Variants in CBFA2T3 observed in about 807,000 individuals in gnomAD.
CBFA2T3 encodes transcriptional corepressor CBFA2T3.
Under a neutral mutation model 58.6 loss-of-function variants are expected in CBFA2T3, and 31 were observed. That is an observed-to-expected ratio of 0.53 (90% confidence interval 0.40 to 0.71). The LOEUF (loss-of-function observed/expected upper bound fraction) is 0.71. Among genes scored for constraint, CBFA2T3 ranks in the 30% least tolerant of loss-of-function variants. CBFA2T3 has a pLI of 0.00. For synonymous variants in CBFA2T3, 531 were observed against 421.9 expected (o/e 1.26, Z -3.17); for missense variants, 1,076 against 963.1 (o/e 1.12, Z -1.55).
chr16:88,945,256 A>G (rs757078152), intron 1 of CBFA2T3, among the ~76,000 whole-genome samples: 2 of 152,224 alleles, frequency 1.3e-5, no homozygotes, highest in African/African-American at 2.4e-5. Context: ...TACCTAGAAC[A>G]GTGAGTTTTT....
intron 1 of CBFA2T3, among the ~76,000 whole-genome samples, chr16:88,915,732 AGGGGGAGCGTGGGG>A (rs1325198516): frequency 1.0e-4 from 2 of 19,138 alleles, no homozygotes; most frequent in African/African-American, 4.8e-4. Context: ...GGAGCGTGGA[AGGGGGAGCGTGGGG>A]GGGGAGTGTT....
intron 1 of CBFA2T3, among the ~76,000 whole-genome samples, chr16:88,908,418 G>A (rs539216474): frequency 3.9e-5 from 6 of 152,236 alleles, no homozygotes; most frequent in Admixed American, 6.5e-5. Context: ...GGGAGAGGCC[G>A]TTTCTTTCCC....
chr16:88,921,123 A>G (rs116540051), intron 1 of CBFA2T3, among the ~76,000 whole-genome samples: 2,041 of 152,370 alleles, frequency 0.013, 57 homozygotes, highest in African/African-American at 0.047. Flanking sequence ...GGCCTGGGGC[A>G]AGGGAGACCA....
At position 88,885,181 on chromosome 16, in the gene CBFA2T3, T is replaced by C; in HGVS notation, c.982A>G (p.Ser328Gly). The C allele has an allele frequency of 6.2e-7, 1 of 1,603,758 alleles. No individual in the cohort carries two copies. Among genetic ancestry groups the C allele is most frequent in the Non-Finnish European group, 8.5e-7 (1 of 1,174,816 alleles). ...GGCTGCGGTGGCCCGTTGCTGGGGC[T>C]GTAGCGCTGGGCAGGGTTCAGGGTG... ...PCTLNPAQRY[S>G]PSNGPPQPTP... The change falls in exon 7 of 12, where the codon AGC (serine) becomes GGC (glycine). Residue 328 changes from serine (S) to glycine (G), a missense_variant. Transcript: ENST00000268679. The surrounding 1 kb of genome is among the most constrained non-coding windows in gnomAD (Gnocchi z 5.3).
chr16:88,908,483 C>A (rs1438587472), intron 1 of CBFA2T3, among the ~76,000 whole-genome samples: 2 of 152,218 alleles, frequency 1.3e-5, no homozygotes, highest in African/African-American at 4.8e-5. Flanking sequence ...GAGAGGAAGC[C>A]GCTTTGCAGG....
Position 88,885,196 on chromosome 16 carries a change from G to T in CBFA2T3, c.967C>A (p.Pro323Thr). The T allele has an allele frequency of 6.2e-7, 1 of 1,602,796 alleles. No homozygotes were observed. Among genetic ancestry groups the T allele is most frequent in the Non-Finnish European group, 8.5e-7 (1 of 1,173,582 alleles). ...HLSKRPCTLN[P>T]AQRYSPSNGP... Reference sequence around the variant, plus strand: ...TTGCTGGGGCTGTAGCGCTGGGCAGGGTTCAGGGTGCATGGCCGTTTGCTG... The same window carrying T: ...TTGCTGGGGCTGTAGCGCTGGGCAGTGTTCAGGGTGCATGGCCGTTTGCTG... Residue 323 changes from proline (P) to threonine (T), a missense_variant, in exon 7 of 12, where the codon CCT becomes ACT. Physicochemically the swap from Pro to Thr is conservative, Grantham distance 38. Transcript: ENST00000268679. The surrounding 1 kb of genome is among the most constrained non-coding windows in gnomAD (Gnocchi z 5.3).
At chr16:88,955,975 C>T (rs1309964167) in intron 1 of CBFA2T3, among the ~76,000 whole-genome samples, 7 of 151,166 alleles carry the variant, frequency 4.6e-5, no homozygotes, top group Admixed American at 2.6e-4. Flanking sequence ...CTCCTGACCC[C>T]GCCCAAGGCT....
In CBFA2T3 at chr16:88,963,627, C is replaced by T. The variant is rs190231410; in HGVS notation, c.151+13030G>A. On this transcript the variant is annotated intron_variant, in intron 1 of 11. Transcript: ENST00000268679. ...GGACATTCCATAAAATGGGACCAGA[C>T]CGTATGCGGCCTCTTGGCTCTTTCA... Among the ~76,000 whole-genome samples the T allele has an allele frequency of 2.0e-5, 3 of 152,320 alleles. No homozygotes were observed. The East Asian group carries it at 5.8e-4, about 29-fold the overall frequency.
In CBFA2T3 at chr16:88,958,743, G is replaced by A. The variant is rs917785686; in HGVS notation, c.151+17914C>T. On this transcript the variant is annotated intron_variant, in intron 1 of 11. Transcript: ENST00000268679. The surrounding 1 kb of genome is among the most constrained non-coding windows in gnomAD (Gnocchi z 4.0). ...GAAGGAGATGAACTTGCTCTCCCAGGGCTGGGGCCTCAGGGCCTCAGCGTA... is the reference window on the plus strand; with the variant it reads ...GAAGGAGATGAACTTGCTCTCCCAGAGCTGGGGCCTCAGGGCCTCAGCGTA... Among the ~76,000 whole-genome samples, 3 of 152,042 alleles carry A rather than the reference G, an allele frequency of 2.0e-5. 1 individual carries two copies. Among genetic ancestry groups the A allele is most frequent in the African/African-American group, 7.2e-5 (3 of 41,386 alleles).
At chr16:88,903,660 G>C (rs80259199) in intron 1 of CBFA2T3, among the ~76,000 whole-genome samples, 2 of 21,302 alleles carry the variant, frequency 9.4e-5, no homozygotes, top group East Asian at 7.7e-3. Flanking sequence ...GTTCCCGGCT[G>C]GGGGGGGGGG....
chr16:88,905,161 G>C (rs533443300), intron 1 of CBFA2T3, among the ~76,000 whole-genome samples: 4 of 152,188 alleles, frequency 2.6e-5, no homozygotes, highest in African/African-American at 9.6e-5. Context: ...CGGGGAGTCT[G>C]GAGCTCTGCA....
At chr16:88,963,366 T>A (rs1035489935) in intron 1 of CBFA2T3, among the ~76,000 whole-genome samples, 1 of 151,236 alleles carries the variant, frequency 6.6e-6, no homozygotes, top group African/African-American at 2.4e-5. Context: ...AATGTTAAGA[T>A]CTTTTAAAAA....
chr16:88,974,125 G>C (rs747717066), intron 1 of CBFA2T3, among the ~76,000 whole-genome samples: 1 of 152,180 alleles, frequency 6.6e-6, no homozygotes, highest in Admixed American at 6.5e-5. Flanking sequence ...CTCTGTCCCT[G>C]GCACCCTCCT....
rs1969362001 is a variant in CBFA2T3, at chr16:88,886,131, G to A, written c.723C>T (p.Pro241=). 1.3e-6 allele frequency: 2 copies of A among 1,543,286 alleles called. No homozygotes were observed. Among genetic ancestry groups the A allele is most frequent in the African/African-American group, 1.4e-5 (1 of 73,468 alleles). Residue 241 remains proline, a synonymous_variant, in exon 6 of 12, where the codon CCC becomes CCT. Transcript: ENST00000268679. ...AGTGCAGGAGCTCCCGCTGCAGCAAGGGCAGGTTTGCCTGTGGGGTGGGGA... is the reference window on the plus strand; with the variant it reads ...AGTGCAGGAGCTCCCGCTGCAGCAAAGGCAGGTTTGCCTGTGGGGTGGGGA... ...FVIPFLKANL[P]LLQRELLHCA... is the part of the protein sequence containing the mutation.
At chr16:88,939,718 A>C (rs1307375909) in intron 1 of CBFA2T3, 1 of 152,286 alleles carries the variant, frequency 6.6e-6, no homozygotes, top group Non-Finnish European at 1.5e-5. Context: ...AGGCACACAG[A>C]GCCAGCCCTC....
At chr16:88,886,324 G>T (rs947654339) in intron 5 of CBFA2T3, 182 bp from the exon 6 acceptor site, 1 of 432,066 alleles carries the variant, frequency 2.3e-6, no homozygotes, top group South Asian at 5.0e-5. Context: ...GGAGGGTGGC[G>T]TGGGAGGGTG....
intron 1 of CBFA2T3, among the ~76,000 whole-genome samples, chr16:88,918,144 C>CCCCTGGGACCCCAGGA (rs1970797813): frequency 6.6e-6 from 1 of 152,188 alleles, no homozygotes; most frequent in African/African-American, 2.4e-5. Flanking sequence ...CTGCAGGAAG[C>CCCCTGGGACCCCAGGA]CCCTGGGACC....
intron 11 of CBFA2T3, among the ~76,000 whole-genome samples, chr16:88,878,972 G>A (rs142239762): frequency 0.013 from 1,954 of 152,250 alleles, 19 homozygotes; most frequent in East Asian, 0.021. Flanking sequence ...AGCCAACCTG[G>A]GCTCGAGTCC....
intron 1 of CBFA2T3, among the ~76,000 whole-genome samples, chr16:88,901,911 C>T (rs758003336): frequency 3.9e-5 from 6 of 152,186 alleles, no homozygotes; most frequent in East Asian, 1.9e-4. Flanking sequence ...GGTGTGTGGC[C>T]GCCCTGCGAG....
Sources: allele counts gnomAD v4.1 joint callset (sites outside exome capture counted in the v4.1 genomes callset), GRCh38; gene constraint gnomAD v4.1.1; non-coding constraint Gnocchi (gnomAD v3.1); transcripts MANE v1.5; gene names NCBI Gene and HGNC (gene_info 2026-07-23, HGNC 2026-07-21).